The following UGT3A1 variants were observed in gnomAD, a reference collection of about 807,000 sequenced individuals.
The protein encoded by UGT3A1 is UDP-glycosyltransferase 3A1.
In UGT3A1, 40 loss-of-function variants were observed where a neutral mutation model predicts 37.6. The ratio of observed to expected loss-of-function variants is 1.06; its 90% confidence interval spans 0.83 to 1.38. The LOEUF (loss-of-function observed/expected upper bound fraction) is 1.38, where lower values mean the gene tolerates loss of function less well. Among genes scored for constraint, UGT3A1 ranks in the 40% most tolerant of loss-of-function variants. UGT3A1 has a pLI of 0.00. For missense variants in UGT3A1, 642 were observed against 634.2 expected (o/e 1.01, Z -0.13); for synonymous variants, 256 against 232.3 (o/e 1.10, Z -0.93).
chr5:36,000,433 A>C (rs1027039879), intron 1 of UGT3A1, among the ~76,000 whole-genome samples: 68 of 152,300 alleles, frequency 4.5e-4, no homozygotes, highest in Admixed American at 2.9e-3. Context: ...ACATCTAATA[A>C]AGGATTCCCT....
intron 1 of UGT3A1, chr5:35,997,445 T>G (rs76188748): frequency 1.5e-5 from 2 of 131,288 alleles, no homozygotes; most frequent in African/African-American, 5.4e-5. Flanking sequence ...TTTTTTTTTT[T>G]GAGACGGAAT....
At chr5:35,976,114 G>A (rs543740732) in intron 2 of UGT3A1, among the ~76,000 whole-genome samples, 3 of 152,142 alleles carry the variant, frequency 2.0e-5, no homozygotes, top group African/African-American at 7.2e-5. Flanking sequence ...AGTTCCAAAG[G>A]AAGGAATGTT....
At position 35,954,355 on chromosome 5, in the gene UGT3A1, G is replaced by C; in HGVS notation, c.1419C>G (p.Pro473=). The C allele has an allele frequency of 1.2e-6, 2 of 1,614,224 alleles. No individual in the cohort carries two copies. The highest frequency in any genetic ancestry group is 8.5e-7 in the Non-Finnish European group (1 of 1,180,046). Residue 473 remains proline, a synonymous_variant, in exon 7 of 7, where the codon CCC becomes CCG. Transcript: ENST00000274278. Reference sequence around the variant, plus strand: ...CATGCCAAGGCTGCTGGAAGGCATAGGGCTTGAGGTGCGTCGCTCCCCCAG... The same window carrying C: ...CATGCCAAGGCTGCTGGAAGGCATACGGCTTGAGGTGCGTCGCTCCCCCAG... ...LQTGGATHLK[P]YAFQQPWHEQ...
chr5:35,962,811 A>C (rs967799875), intron 4 of UGT3A1: 1 of 690,742 alleles, frequency 1.4e-6, no homozygotes, highest in Non-Finnish European at 2.6e-6. Context: ...TCTGAGGGTC[A>C]AAGCAGACTC....
At chr5:35,974,256 C>A (rs771794021) in intron 2 of UGT3A1, among the ~76,000 whole-genome samples, 19 of 151,986 alleles carry the variant, frequency 1.3e-4, no homozygotes, top group Non-Finnish European at 4.4e-5. Flanking sequence ...TGAAATTAGA[C>A]CCTAATTCCA....
rs78681098 is a variant in UGT3A1, at chr5:35,998,784, G to A, written c.-159-1455C>T. ...TCTTCCCTAAGCCAGATCAGCTCAA[G>A]TGGAGTTGCCAAATTGATTGCCCTA... On this transcript the variant is annotated intron_variant, in intron 1 of 5. Coordinates refer to the UGT3A1 transcript ENST00000625798. Among the ~76,000 whole-genome samples the A allele has an allele frequency of 5.6e-4, 86 of 152,292 alleles. 1 individual carries two copies. In the East Asian group the frequency reaches 0.014, roughly 24 times the overall value.
At chr5:35,974,377 G>A (rs1434310616) in intron 2 of UGT3A1, among the ~76,000 whole-genome samples, 19 of 152,114 alleles carry the variant, frequency 1.2e-4, no homozygotes. Flanking sequence ...TCTGAAGTGT[G>A]GAGTGTAAGC....
chr5:35,987,280 C>T (rs1340550722), intron 2 of UGT3A1, among the ~76,000 whole-genome samples: 1 of 152,066 alleles, frequency 6.6e-6, no homozygotes, highest in Non-Finnish European at 1.5e-5. Flanking sequence ...CTACTGCAAA[C>T]TAGAAGGAAG....
Position 35,965,411 on chromosome 5 carries a change from T to C in UGT3A1, c.818A>G (p.Glu273Gly), listed in dbSNP as rs1739757879. 6.2e-7 allele frequency: 1 copy of C among 1,613,970 alleles called. No individual in the cohort carries two copies. Among genetic ancestry groups the C allele is most frequent in the Admixed American group, 1.7e-5 (1 of 59,992 alleles). The change falls in exon 4 of 7, where the codon GAA (glutamate) becomes GGA (glycine). Residue 273 changes from glutamate (E) to glycine (G), a missense_variant. Transcript: ENST00000274278. The stretch of plus-strand genomic sequence containing the variant: ...TTGTGGTACTGGTTTAATAGGTTTT[T>C]CCATCAAGCCTCCAATATAAACAGT... The part of the protein sequence containing the change: ...PNTVYIGGLM[E>G]KPIKPVPQDL...
rs1739268115 is a variant in UGT3A1 at position 35,954,293 on chromosome 5, C to G, written c.1481G>C (p.Gly494Ala). The change falls in exon 7 of 7, where the codon GGG (glycine) becomes GCG (alanine). Residue 494 changes from glycine to alanine, a missense_variant. Transcript: ENST00000274278. ...YLIDVFVFLL[G>A]LTLGTMWLCG... ...AAGCCACATAGTGCCCAGAGTGAGC[C>G]CCAGCAGAAACACAAAGACATCAAT... The G allele has an allele frequency of 6.2e-7, 1 of 1,614,168 alleles. No individual in the cohort carries two copies. The highest frequency in any genetic ancestry group is 8.5e-7 in the Non-Finnish European group (1 of 1,180,030).
chr5:35,965,306 C>A, intron 4 of UGT3A1, 80 bp downstream of exon 4: 1 of 1,538,620 alleles, frequency 6.5e-7, no homozygotes. Flanking sequence ...CCTCAGGATC[C>A]CACTGGCAGG....
intron 2 of UGT3A1, 35 bp downstream of exon 2, chr5:35,988,409 TAGAGTA>T (rs749956848): frequency 7.0e-7 from 1 of 1,422,812 alleles, no homozygotes; most frequent in Non-Finnish European, 9.6e-7. Context: ...ACTTTTTGCT[TAGAGTA>T]AAAGAATATA....
chr5:35,998,859 A>G (rs1186274758), intron 1 of UGT3A1, among the ~76,000 whole-genome samples: 3 of 152,230 alleles, frequency 2.0e-5, no homozygotes, highest in African/African-American at 4.8e-5. Flanking sequence ...AAACATTTAC[A>G]TTGACAGATT....
Position 35,953,252 on chromosome 5 carries a change from A to C in UGT3A1, c.*950T>G, listed in dbSNP as rs1739231435. On this transcript the variant is annotated 3_prime_UTR_variant, in exon 7 of 7. Coordinates refer to ENST00000274278, the MANE Select transcript of UGT3A1 (RefSeq NM_152404.4). Reference sequence around the variant, plus strand: ...AGATAAAAAAGAAAAGATATGGGCTATTGATGACATGATGGAGCAACCAAC... The same window carrying C: ...AGATAAAAAAGAAAAGATATGGGCTCTTGATGACATGATGGAGCAACCAAC... 6.6e-6 allele frequency: 1 copy of C among 152,350 alleles called. No individual in the cohort carries two copies. Among genetic ancestry groups the C allele is most frequent in the African/African-American group, 2.4e-5 (1 of 41,466 alleles). 9.4% of individuals were successfully genotyped at this position (152,350 alleles called of 1,614,324 possible). A position where few individuals can be genotyped will look rare whatever the true frequency, so the allele number is the denominator to read the frequency against.
At chr5:35,966,734 G>A (rs1248424212) in intron 3 of UGT3A1, among the ~76,000 whole-genome samples, 1 of 152,108 alleles carries the variant, frequency 6.6e-6, no homozygotes, top group Non-Finnish European at 1.5e-5. Flanking sequence ...GTGCTCTGGA[G>A]ACCACAGACC....
At chr5:35,970,213 A>AC (rs1175747759) in intron 2 of UGT3A1, among the ~76,000 whole-genome samples, 1 of 151,960 alleles carries the variant, frequency 6.6e-6, no homozygotes, top group East Asian at 1.9e-4. Flanking sequence ...ATACGGTGAA[A>AC]CCCCATCTCT....
chr5:35,956,810 C>T (rs1382178069), intron 5 of UGT3A1, among the ~76,000 whole-genome samples: 2 of 152,144 alleles, frequency 1.3e-5, no homozygotes, highest in African/African-American at 4.8e-5. Context: ...GGCCACAGAA[C>T]AGGGGCAACA....
chr5:35,964,923 A>G (rs1219916108), intron 4 of UGT3A1, among the ~76,000 whole-genome samples: 1 of 152,204 alleles, frequency 6.6e-6, no homozygotes, highest in Non-Finnish European at 1.5e-5. Flanking sequence ...GGCAGGGAAC[A>G]CTGGAGATAA....
intron 4 of UGT3A1, chr5:35,963,031 A>C (rs1257243663): frequency 3.0e-6 from 2 of 676,788 alleles, no homozygotes; most frequent in Non-Finnish European, 5.3e-6. Flanking sequence ...GGAGAGAGAA[A>C]GCAAGGGACT....
Sources: allele counts gnomAD v4.1 joint callset (sites outside exome capture counted in the v4.1 genomes callset), GRCh38; gene constraint gnomAD v4.1.1; transcripts MANE v1.5; gene names NCBI Gene and HGNC (gene_info 2026-07-23, HGNC 2026-07-21).